The following ZNF302 variants were observed in gnomAD, a reference collection of about 807,000 sequenced individuals.
ZNF302 encodes the protein zinc finger protein 327.
ZNF302 carries 12 observed loss-of-function variants against 10.8 expected under a neutral mutation model. The ratio of observed to expected loss-of-function variants is 1.11; its 90% CI spans 0.71 to 1.79. ZNF302 has a LOEUF of 1.79. ZNF302 is among the 40% of genes most tolerant of loss of function. The pLI, the probability that ZNF302 is intolerant of heterozygous loss-of-function variation, is 0.00. For synonymous variants in ZNF302, 178 were observed against 157.5 expected (o/e 1.13, Z -0.98); for missense variants, 461 against 471.1 (o/e 0.98, Z 0.20).
Position 34,684,574 on chromosome 19 carries a change from T to A in ZNF302, c.537T>A (p.Ser179Arg), listed in dbSNP as rs1297844038. The A allele has an allele frequency of 1.9e-6, 3 of 1,613,936 alleles. No homozygotes were observed. The East Asian group carries it at 6.7e-5, about 36-fold the overall frequency. Reference sequence around the variant, plus strand: ...AGAAACTTTTAAATTCTAATAAAAGTGGGGCAGCCTTCAACCAGAGCAAAT... The same window carrying A: ...AGAAACTTTTAAATTCTAATAAAAGAGGGGCAGCCTTCAACCAGAGCAAAT... ...GGKKLLNSNKSGAAFNQSKSL... is the reference protein window; with the variant it reads ...GGKKLLNSNKRGAAFNQSKSL... Residue 179 changes from serine (S) to arginine (R), a missense_variant, in exon 5 of 5, where the codon AGT (serine) becomes AGA (arginine). Transcript: ENST00000505242.
chr19:34,678,626 A>G, intron 1 of ZNF302, 111 bp from the exon 2 acceptor site: 2 of 609,932 alleles, frequency 3.3e-6, no homozygotes, highest in Non-Finnish European at 5.9e-6. Flanking sequence ...GGAGAGATTG[A>G]CGCTCCGGCG....
upstream of ZNF302, chr19:34,677,315 A>C (rs1465034190): frequency 2.0e-5 from 3 of 152,082 alleles, no homozygotes; most frequent in Non-Finnish European, 1.5e-5. Context: ...CGCAGGAATG[A>C]CCCGGAAGAC....
chr19:34,684,884 AAAC>A lies in ZNF302; in HGVS notation c.848_850del (p.Lys283_Pro284delinsThr). On this transcript the variant is annotated inframe_deletion, in exon 5 of 5. Transcript: ENST00000505242. ...CCATCAGAGCACTCACACGGGAGAG[AAAC>A]CGTATGAATGTATGAACTGTGGAAA... 6.2e-7 allele frequency: 1 copy of A among 1,613,952 alleles called. No individual in the cohort carries two copies.
rs763235004 is a variant in ZNF302, at chr19:34,684,943, G to A, written c.906G>A (p.Gln302=). ...TTAGTCGTGTGTCCCTTCTCATTCA[G>A]CATCTAAGAATTCATACGCAAGAAA... ...KSFSRVSLLI[Q]HLRIHTQEKR... is the part of the protein sequence containing the mutation. The change falls in exon 5 of 5, where the codon CAG becomes CAA. Residue 302 remains glutamine (Q), a synonymous_variant. Coordinates refer to ENST00000505242, the MANE Select transcript of ZNF302 (RefSeq NM_001289187.2). 5.6e-6 allele frequency: 9 copies of A among 1,613,986 alleles called. No homozygotes were observed. The highest frequency in any genetic ancestry group is 3.3e-5 in the Admixed American group (2 of 59,982).
At chr19:34,679,034 T>C (rs761688688) in intron 2 of ZNF302, among the ~76,000 whole-genome samples, 1 of 152,220 alleles carries the variant, frequency 6.6e-6, no homozygotes, top group Non-Finnish European at 1.5e-5. Flanking sequence ...GAAGACTTTC[T>C]AGATTGCCAA....
chr19:34,684,204 A>AGGCATTG, intron 4 of ZNF302, 48 bp from the exon 5 acceptor site: 1 of 777,224 alleles, frequency 1.3e-6, no homozygotes, highest in Non-Finnish European at 1.8e-6. Flanking sequence ...AAAAAAAAAA[A>AGGCATTG]AAAAAAAAAA....
chr19:34,678,716 C>T (rs2068151255), intron 1 of ZNF302, 21 bp from the exon 2 acceptor site: 2 of 1,516,422 alleles, frequency 1.3e-6, no homozygotes, highest in African/African-American at 2.8e-5. Flanking sequence ...ACTGCTTTTT[C>T]CTGCCTTTCT....
chr19:34,685,271 CT>C lies in ZNF302; in HGVS notation c.*35del, dbSNP rs1247184239. On this transcript the variant is annotated 3_prime_UTR_variant, in exon 5 of 5. Coordinates refer to ENST00000505242, the MANE Select transcript of ZNF302 (RefSeq NM_001289187.2). ...GAAATCCTTCAACCAGCTTGAATCA[CT>C]GAATATGCATTTGAGAAATCACATT... 1.9e-6 allele frequency: 3 copies of C among 1,613,782 alleles called. No homozygotes were observed. The highest frequency in any genetic ancestry group is 2.5e-6 in the Non-Finnish European group (3 of 1,179,830).
At position 34,684,343 on chromosome 19, in the gene ZNF302, TGTAAAACAAA is replaced by T; in HGVS notation, c.309_318del (p.Lys104MetfsTer46). On this transcript the variant is annotated frameshift_variant, in exon 5 of 5. Transcript: ENST00000505242. LOFTEE classifies it low-confidence loss of function (END_TRUNC). ...CCCAACCAGTAACAATGGAAAAAGT[TGTAAAACAAA>T]GTTATGAATTTTCAAATTCTAATAA... is the stretch of plus-strand genomic sequence containing the variant. 1 of 1,600,760 alleles carries T rather than the reference TGTAAAACAAA, an allele frequency of 6.2e-7. No homozygotes were observed. The highest frequency in any genetic ancestry group is 8.5e-7 in the Non-Finnish European group (1 of 1,175,612).
intron 2 of ZNF302, among the ~76,000 whole-genome samples, chr19:34,680,410 C>CAATA (rs1287460104): frequency 6.6e-6 from 1 of 152,078 alleles, no homozygotes; most frequent in East Asian, 1.9e-4. Flanking sequence ...CCCCATCTGA[C>CAATA]TATTGAGTAC....
At chr19:34,681,345 T>C (rs1480082842) in intron 2 of ZNF302, 1 of 152,258 alleles carries the variant, frequency 6.6e-6, no homozygotes, top group African/African-American at 2.4e-5. Flanking sequence ...AAATGAGTAC[T>C]ATTGAGAAGA....
Position 34,678,731 on chromosome 19 carries a change from C to G in ZNF302, c.-68-6C>G. 1 of 1,580,912 alleles carries G rather than the reference C, an allele frequency of 6.3e-7. No individual in the cohort carries two copies. The highest frequency in any genetic ancestry group is 8.7e-7 in the Non-Finnish European group (1 of 1,150,556). On this transcript the variant is annotated splice_polypyrimidine_tract_variant and splice_region_variant and intron_variant, in intron 1 of 4. Transcript: ENST00000505242. ...ACTGCTTTTTCCTGCCTTTCTGTGC[C>G]CTCAGGACACTGCCCATCTCTAAGA...
At position 34,684,401 on chromosome 19, in the gene ZNF302, G is replaced by A. The variant is rs141163262; in HGVS notation, c.364G>A (p.Asp122Asn). Residue 122 changes from aspartate (D) to asparagine (N), a missense_variant, in exon 5 of 5, where the codon GAC becomes AAC. By Grantham distance (23) the Asp-to-Asn change is conservative. Coordinates refer to ENST00000505242, the MANE Select transcript of ZNF302 (RefSeq NM_001289187.2). ...SNKNLEYTEC[D>N]TFRSTFHSKS... ...TAAGAATTTGGAATATACAGAATGC[G>A]ACACATTTAGAAGCACCTTTCATTC... The A allele has an allele frequency of 4.9e-3, 7,857 of 1,611,274 alleles. 25 individuals carry two copies. The highest frequency in any genetic ancestry group is 6.1e-3 in the Admixed American group (365 of 59,576).
chr19:34,684,198 AAAAAAAAAAAAAAAAAAAAAAAG>A, intron 4 of ZNF302, 31 bp from the exon 5 acceptor site: 2 of 1,285,642 alleles, frequency 1.6e-6, no homozygotes, highest in African/African-American at 1.8e-5. Flanking sequence ...AAAAAAAAAA[AAAAAAAAAAAAAAAAAAAAAAAG>A]GCAGTGCTTT....
At position 34,685,467 on chromosome 19, in the gene ZNF302, G is replaced by C. The variant is rs2068612333; in HGVS notation, c.*230G>C. On this transcript the variant is annotated 3_prime_UTR_variant, in exon 5 of 5. Transcript: ENST00000505242. ...ACTGTACATCAGAGAATTCATACTG[G>C]AGAAAAGCCATATAAATGTAGTGAG... is the stretch of plus-strand genomic sequence containing the variant. The C allele has an allele frequency of 1.9e-6, 3 of 1,593,594 alleles. No individual in the cohort carries two copies. Among genetic ancestry groups the C allele is most frequent in the Non-Finnish European group, 1.7e-6 (2 of 1,162,090 alleles).
At position 34,685,696 on chromosome 19, in the gene ZNF302, T is replaced by G. The variant is rs2068624743; in HGVS notation, c.*459T>G. The G allele has an allele frequency of 1.4e-5, 10 of 692,474 alleles. No homozygotes were observed. The highest frequency in any genetic ancestry group is 2.3e-5 in the Non-Finnish European group (9 of 394,248). 42.9% of individuals were successfully genotyped at this position (692,474 alleles called of 1,614,324 possible). ...CCTCCCTTATTTAACATCAGAAAAATGTATACTGGGGAAAAGTTGTATGAA... is the reference window on the plus strand; with the variant it reads ...CCTCCCTTATTTAACATCAGAAAAAGGTATACTGGGGAAAAGTTGTATGAA... On this transcript the variant is annotated 3_prime_UTR_variant, in exon 5 of 5. Coordinates refer to ENST00000505242, the MANE Select transcript of ZNF302 (RefSeq NM_001289187.2).
chr19:34,682,093 A>G (rs1359477640), intron 2 of ZNF302: 2 of 152,202 alleles, frequency 1.3e-5, no homozygotes, highest in Admixed American at 1.3e-4. Context: ...GGATGGGCAA[A>G]GAGACGAGAG....
intron 4 of ZNF302, chr19:34,684,026 T>C: frequency 1.3e-6 from 2 of 1,506,652 alleles, no homozygotes; most frequent in Non-Finnish European, 1.8e-6. Context: ...CTGTTCCTGC[T>C]TCTGTGAACT....
chr19:34,678,539 A>G (rs2068125335), intron 1 of ZNF302, among the ~76,000 whole-genome samples, 198 bp from the exon 2 acceptor site: 1 of 152,070 alleles, frequency 6.6e-6, no homozygotes, highest in Admixed American at 6.5e-5. Flanking sequence ...AGTCTTTTGT[A>G]TACAGAATAA....
Sources: gnomAD v4.1 joint callset for allele counts (sites outside exome capture counted in the v4.1 genomes callset) on GRCh38, gnomAD v4.1.1 for gene constraint, MANE v1.5 for transcripts, NCBI Gene and HGNC (gene_info 2026-07-23, HGNC 2026-07-21) for gene names.